The following CFAP299 variants were observed in gnomAD, a reference collection of about 807,000 sequenced individuals.
CFAP299 encodes cilia and flagella associated protein 299, also known as cilia- and flagella-associated protein 299.
In CFAP299, 21 loss-of-function variants were observed where a neutral mutation model predicts 27.0. That is an observed-to-expected ratio of 0.78 (90% CI 0.55 to 1.12). CFAP299 has a LOEUF of 1.12. Ranked by LOEUF, CFAP299 falls within the 50% of genes most tolerant of loss-of-function variation. The probability of loss-of-function intolerance (pLI) is 0.00; values close to 1 mark genes in which losing one functional copy is unlikely to be tolerated. For missense variants in CFAP299, 310 were observed against 276.6 expected (o/e 1.12, Z -0.86); for synonymous variants, 104 against 98.1 (o/e 1.06, Z -0.36).
rs532427684 is a variant in CFAP299, at chr4:80,535,848, C to T, written c.243-47245C>T. ...TTTAGAAGTGTAAAGCACAAATTAT[C>T]CTTGTATCCTCAGTTGGCCACCTCT... On this transcript the variant is annotated intron_variant, in intron 2 of 5. Coordinates refer to ENST00000358105, the MANE Select transcript of CFAP299 (RefSeq NM_152770.3). Among the ~76,000 whole-genome samples, 52 of 152,240 alleles carry T rather than the reference C, an allele frequency of 3.4e-4. 1 individual carries two copies. The highest frequency in any genetic ancestry group is 6.5e-4 in the Admixed American group (10 of 15,294).
intron 3 of CFAP299, among the ~76,000 whole-genome samples, chr4:80,855,913 T>C (rs1731847435): frequency 6.6e-6 from 1 of 151,850 alleles, no homozygotes; most frequent in South Asian, 2.1e-4. Flanking sequence ...GTCCTTTGGG[T>C]ATATACCCAG....
intron 2 of CFAP299, among the ~76,000 whole-genome samples, chr4:80,545,621 A>C (rs1017853871): frequency 6.6e-6 from 1 of 152,150 alleles, no homozygotes; most frequent in African/African-American, 2.4e-5. Context: ...TATCAACCAA[A>C]AAAAGTCCTG....
intron 3 of CFAP299, among the ~76,000 whole-genome samples, chr4:80,814,709 C>G (rs1012810511): frequency 6.6e-6 from 1 of 151,124 alleles, no homozygotes; most frequent in Admixed American, 6.6e-5. Flanking sequence ...GTATAAAAAT[C>G]TTTATGTCTT....
At chr4:80,880,539 G>T (rs933050650) in intron 4 of CFAP299, among the ~76,000 whole-genome samples, 1 of 152,034 alleles carries the variant, frequency 6.6e-6, no homozygotes, top group Non-Finnish European at 1.5e-5. Context: ...AGACCAGCCT[G>T]GCCAATATGG....
At chr4:80,343,010 A>T (rs1169522586) in intron 1 of CFAP299, among the ~76,000 whole-genome samples, 4 of 152,252 alleles carry the variant, frequency 2.6e-5, no homozygotes, top group Non-Finnish European at 5.9e-5. Context: ...AACAGAAAAA[A>T]GCAGGGGTTG....
At chr4:80,585,685 T>A (rs1449157424) in intron 3 of CFAP299, among the ~76,000 whole-genome samples, 1 of 152,084 alleles carries the variant, frequency 6.6e-6, no homozygotes, top group Non-Finnish European at 1.5e-5. Flanking sequence ...TGATCAGACA[T>A]GCAACTTAAG....
intron 2 of CFAP299, among the ~76,000 whole-genome samples, chr4:80,382,657 T>A (rs1724763739): frequency 6.6e-6 from 1 of 152,108 alleles, no homozygotes; most frequent in Non-Finnish European, 1.5e-5. Flanking sequence ...CAAGTCAGAA[T>A]GGCTATTACT....
At chr4:80,512,132 C>T (rs1329657766) in intron 2 of CFAP299, among the ~76,000 whole-genome samples, 1 of 151,828 alleles carries the variant, frequency 6.6e-6, no homozygotes, top group Non-Finnish European at 1.5e-5. Flanking sequence ...ATTAAAATGC[C>T]TATTAAGTTC....
chr4:80,681,020 G>A (rs1403834985), intron 3 of CFAP299, among the ~76,000 whole-genome samples: 1 of 152,062 alleles, frequency 6.6e-6, no homozygotes, highest in Non-Finnish European at 1.5e-5. Flanking sequence ...GTATCTAGGG[G>A]CTTAGTGGAG....
At chr4:80,541,044 CA>C (rs1733972194) in intron 2 of CFAP299, among the ~76,000 whole-genome samples, 1 of 152,042 alleles carries the variant, frequency 6.6e-6, no homozygotes, top group Non-Finnish European at 1.5e-5. Flanking sequence ...AACCTTGCTA[CA>C]AAAAGAGAAA....
At chr4:80,492,320 C>T (rs1049010742) in intron 2 of CFAP299, among the ~76,000 whole-genome samples, 1 of 152,142 alleles carries the variant, frequency 6.6e-6, no homozygotes, top group Non-Finnish European at 1.5e-5. Context: ...ATATTTGGCT[C>T]AGAATAAATC....
intron 2 of CFAP299, among the ~76,000 whole-genome samples, chr4:80,493,671 A>G (rs545819622): frequency 2.0e-4 from 30 of 152,124 alleles, no homozygotes; most frequent in Non-Finnish European, 4.0e-4. Flanking sequence ...TTCATATTCA[A>G]TACCATAGCT....
intron 5 of CFAP299, among the ~76,000 whole-genome samples, chr4:80,952,242 T>C (rs972659467): frequency 3.3e-5 from 5 of 152,148 alleles, no homozygotes; most frequent in Admixed American, 2.6e-4. Context: ...GATGAATAAA[T>C]TGAAATATTA....
At chr4:80,413,583 G>C (rs183563108) in intron 2 of CFAP299, among the ~76,000 whole-genome samples, 4 of 152,288 alleles carry the variant, frequency 2.6e-5, no homozygotes, top group Admixed American at 2.6e-4. Context: ...ACTATAGAGA[G>C]TGGATGTATT....
chr4:80,766,900 A>T (rs116353973), intron 3 of CFAP299, among the ~76,000 whole-genome samples: 3,141 of 152,282 alleles, frequency 0.021, 79 homozygotes, highest in South Asian at 0.062. Flanking sequence ...TTGTGTATTT[A>T]TGTGTATGTG....
chr4:80,957,622 C>T (rs1738134564), intron 5 of CFAP299, among the ~76,000 whole-genome samples: 1 of 152,022 alleles, frequency 6.6e-6, no homozygotes, highest in African/African-American at 2.4e-5. Context: ...CATTGTATTC[C>T]ACTGAACACA....
At chr4:80,891,776 A>AAAT (rs1451611380) in intron 4 of CFAP299, among the ~76,000 whole-genome samples, 2 of 100,464 alleles carry the variant, frequency 2.0e-5, no homozygotes, top group African/African-American at 1.3e-4. Context: ...AAAAAAAAAA[A>AAAT]TTAAAAAAAA....
At chr4:80,901,423 C>T (rs549310434) in intron 4 of CFAP299, among the ~76,000 whole-genome samples, 1 of 152,182 alleles carries the variant, frequency 6.6e-6, no homozygotes, top group East Asian at 1.9e-4. Flanking sequence ...TTTTTTGAAA[C>T]ATTCTGGCTC....
chr4:80,715,658 A>G (rs1263348708), intron 3 of CFAP299, among the ~76,000 whole-genome samples: 1 of 152,124 alleles, frequency 6.6e-6, no homozygotes, highest in Non-Finnish European at 1.5e-5. Flanking sequence ...TTTTCAAAAA[A>G]CAAAAACTGG....
Sources: allele counts gnomAD v4.1 joint callset (sites outside exome capture counted in the v4.1 genomes callset), GRCh38; gene constraint gnomAD v4.1.1; transcripts MANE v1.5; gene names NCBI Gene and HGNC (gene_info 2026-07-23, HGNC 2026-07-21).